The following REDIC1 variants were observed in gnomAD, a reference collection of about 807,000 sequenced individuals.
REDIC1 encodes the protein HEI10 Interacting Protein 1.
chr12:39,712,613 A>G, the REDIC1 span, among the ~76,000 whole-genome samples: 180 of 145,352 alleles, frequency 1.2e-3, no homozygotes, highest in Non-Finnish European at 1.9e-3. Flanking sequence ...ATATGTATAT[A>G]TAGATATGTG....
chr12:39,720,677 A>G, the REDIC1 span: 1 of 876,640 alleles, frequency 1.1e-6, no homozygotes, highest in Non-Finnish European at 1.8e-6. Flanking sequence ...TCTCTTCTGT[A>G]TTTAGAAATT....
At chr12:39,712,504 C>T in the REDIC1 span, among the ~76,000 whole-genome samples, 12 of 139,248 alleles carry the variant, frequency 8.6e-5, no homozygotes, top group Non-Finnish European at 1.4e-4. Context: ...GACGTATATA[C>T]GTATGTACGT....
the REDIC1 span, among the ~76,000 whole-genome samples, chr12:39,774,733 C>A: frequency 6.6e-6 from 1 of 151,850 alleles, no homozygotes; most frequent in Non-Finnish European, 1.5e-5. Flanking sequence ...GGGTAAATTT[C>A]AAAAGCCTTA....
chr12:39,885,093 T>G, the REDIC1 span, among the ~76,000 whole-genome samples: 2 of 152,204 alleles, frequency 1.3e-5, no homozygotes, highest in African/African-American at 4.8e-5. Context: ...AGAGTTGCCT[T>G]TCAGGCAGGG....
the REDIC1 span, among the ~76,000 whole-genome samples, chr12:39,696,090 A>C: frequency 1.3e-5 from 2 of 152,144 alleles, no homozygotes; most frequent in Non-Finnish European, 2.9e-5. Context: ...TCAACACCCA[A>C]GTCCTTTTTG....
the REDIC1 span, among the ~76,000 whole-genome samples, chr12:39,773,423 T>C: frequency 6.6e-6 from 1 of 152,124 alleles, no homozygotes; most frequent in South Asian, 2.1e-4. Context: ...AGTAATAACA[T>C]GTAGAAATTA....
the REDIC1 span, among the ~76,000 whole-genome samples, chr12:39,689,488 A>G: frequency 6.6e-6 from 1 of 152,242 alleles, no homozygotes; most frequent in East Asian, 1.9e-4. Context: ...GTAGGCAATT[A>G]TATATACAGG....
the REDIC1 span, among the ~76,000 whole-genome samples, chr12:39,812,996 A>ATTTTTTTT: frequency 0.015 from 599 of 40,600 alleles, 227 homozygotes; most frequent in South Asian, 0.031. Flanking sequence ...TGCCCAGCTA[A>ATTTTTTTT]TTTTTTTTTT....
the REDIC1 span, among the ~76,000 whole-genome samples, chr12:39,795,330 A>G: frequency 6.6e-6 from 1 of 151,970 alleles, no homozygotes; most frequent in Non-Finnish European, 1.5e-5. Context: ...ACAGTTTTAA[A>G]CTTAATTTAT....
the REDIC1 span, among the ~76,000 whole-genome samples, chr12:39,627,248 T>C: frequency 1.3e-5 from 2 of 152,244 alleles, no homozygotes; most frequent in South Asian, 2.1e-4. Flanking sequence ...TTGAATATGC[T>C]AGCATTGTAT....
the REDIC1 span, among the ~76,000 whole-genome samples, chr12:39,899,980 AG>A: frequency 6.6e-6 from 1 of 151,862 alleles, no homozygotes; most frequent in Non-Finnish European, 1.5e-5. Context: ...CACATCAAAA[AG>A]CTTATCCACC....
the REDIC1 span, among the ~76,000 whole-genome samples, chr12:39,859,588 T>C: frequency 6.6e-6 from 1 of 152,084 alleles, no homozygotes; most frequent in African/African-American, 2.4e-5. Flanking sequence ...AGTGGCACCA[T>C]CTCAGCTCAC....
the REDIC1 span, among the ~76,000 whole-genome samples, chr12:39,819,040 C>T: frequency 3.3e-5 from 5 of 152,082 alleles, no homozygotes; most frequent in African/African-American, 1.2e-4. Flanking sequence ...TTCAGACAAC[C>T]GCTTGCACCC....
At chr12:39,888,944 T>A in the REDIC1 span, among the ~76,000 whole-genome samples, 1 of 152,184 alleles carries the variant, frequency 6.6e-6, no homozygotes, top group Non-Finnish European at 1.5e-5. Context: ...AGTAAACCAT[T>A]TTTCTTGTGA....
chr12:39,704,111 G>T, the REDIC1 span, among the ~76,000 whole-genome samples: 1 of 152,100 alleles, frequency 6.6e-6, no homozygotes, highest in South Asian at 2.1e-4. Flanking sequence ...CACAGCAAAA[G>T]AAACTACCAT....
At chr12:39,738,820 G>A in the REDIC1 span, among the ~76,000 whole-genome samples, 2 of 151,334 alleles carry the variant, frequency 1.3e-5, no homozygotes, top group Non-Finnish European at 2.9e-5. Context: ...CTTAGTAATT[G>A]TGGGAGCATC....
chr12:39,671,480 A>G, the REDIC1 span, among the ~76,000 whole-genome samples: 1 of 152,232 alleles, frequency 6.6e-6, no homozygotes, highest in Non-Finnish European at 1.5e-5. Context: ...TGGCATTGAC[A>G]GATCCAGGTG....
the REDIC1 span, among the ~76,000 whole-genome samples, chr12:39,736,545 C>A: frequency 6.6e-6 from 1 of 152,212 alleles, no homozygotes; most frequent in African/African-American, 2.4e-5. Context: ...CTTTGGCACT[C>A]CTTCCACAGA....
the REDIC1 span, among the ~76,000 whole-genome samples, chr12:39,890,416 G>C: frequency 6.6e-6 from 1 of 152,182 alleles, no homozygotes; most frequent in Non-Finnish European, 1.5e-5. Context: ...ACCTGGCAAA[G>C]GGAAAGTAAG....
Sources: gnomAD v4.1 joint callset for allele counts (sites outside exome capture counted in the v4.1 genomes callset) on GRCh38, gnomAD v4.1.1 for gene constraint, MANE v1.5 for transcripts, NCBI Gene and HGNC (gene_info 2026-07-23, HGNC 2026-07-21) for gene names.